Variants in DDX10 observed in about 807,000 individuals in gnomAD.
The protein encoded by DDX10 is probable ATP-dependent RNA helicase DDX10.
A neutral mutation model predicts 104.3 loss-of-function variants in DDX10; 74 were observed. The ratio of observed to expected loss-of-function variants is 0.71; its 90% CI spans 0.59 to 0.86. DDX10 has a LOEUF of 0.86. DDX10 is among the 40% of genes least tolerant of loss of function. The pLI is 0.00. For missense variants in DDX10, 952 were observed against 1,040.0 expected, an observed-to-expected ratio of 0.92 and a Z score of 1.16; for synonymous variants, 351 against 353.4, an observed-to-expected ratio of 0.99 and a Z score of 0.08.
chr11:108,858,797 A>C (rs749714839), intron 16 of DDX10, among the ~76,000 whole-genome samples: 2 of 152,138 alleles, frequency 1.3e-5, no homozygotes, highest in Non-Finnish European at 2.9e-5. Flanking sequence ...CGAGCTCCTC[A>C]AGTTGCATAT....
At chr11:108,750,580 T>C (rs1227260312) in intron 13 of DDX10, among the ~76,000 whole-genome samples, 1 of 152,030 alleles carries the variant, frequency 6.6e-6, no homozygotes, top group African/African-American at 2.4e-5. Flanking sequence ...CTTAGAGTAA[T>C]GTTTCTAATG....
chr11:108,808,983 G>A (rs915550710), intron 13 of DDX10, among the ~76,000 whole-genome samples: 2 of 151,796 alleles, frequency 1.3e-5, no homozygotes, highest in Non-Finnish European at 2.9e-5. Context: ...GAATGCAAAG[G>A]TTTTGACTTC....
At chr11:108,801,687 G>A (rs770933818) in intron 13 of DDX10, among the ~76,000 whole-genome samples, 6 of 151,996 alleles carry the variant, frequency 3.9e-5, no homozygotes, top group Non-Finnish European at 8.8e-5. Context: ...GCTAGACACT[G>A]TGCTAAATAA....
intron 13 of DDX10, among the ~76,000 whole-genome samples, chr11:108,790,907 A>G (rs1423477395): frequency 6.6e-6 from 1 of 152,116 alleles, no homozygotes; most frequent in Non-Finnish European, 1.5e-5. Context: ...CATTGCCCTA[A>G]TGGTTCCCAT....
intron 15 of DDX10, among the ~76,000 whole-genome samples, chr11:108,850,938 A>G (rs1862783001): frequency 1.3e-5 from 2 of 152,202 alleles, no homozygotes; most frequent in South Asian, 4.1e-4. Context: ...GTTCTGTTAC[A>G]TAGATTTAAA....
intron 16 of DDX10, among the ~76,000 whole-genome samples, chr11:108,883,745 C>T (rs762171322): frequency 3.8e-4 from 58 of 152,210 alleles, no homozygotes; most frequent in Non-Finnish European, 7.1e-4. Flanking sequence ...TCAGCAGCAA[C>T]TTCTGTCTTA....
intron 16 of DDX10, among the ~76,000 whole-genome samples, chr11:108,890,990 C>T (rs1171761937): frequency 2.6e-5 from 4 of 152,108 alleles, no homozygotes; most frequent in African/African-American, 7.2e-5. Context: ...CCTCTGTGTT[C>T]GAGACCATTT....
At chr11:108,895,719 G>C (rs1290684473) in intron 16 of DDX10, among the ~76,000 whole-genome samples, 2 of 151,994 alleles carry the variant, frequency 1.3e-5, no homozygotes, top group East Asian at 1.9e-4. Context: ...GATTAATACA[G>C]AGCTAGTAGC....
At chr11:108,908,919 A>G (rs779636258) in intron 16 of DDX10, among the ~76,000 whole-genome samples, 8 of 152,236 alleles carry the variant, frequency 5.3e-5, no homozygotes, top group Non-Finnish European at 1.0e-4. Context: ...ATGCTTAGAA[A>G]TACTTGATGA....
Position 108,853,826 on chromosome 11 carries a change from T to C in DDX10, c.2304+1617T>C, listed in dbSNP as rs1862828304. The stretch of plus-strand genomic sequence containing the variant: ...CCTGACATCTAAAAAAGGAGGAAGA[T>C]TTTTCTTGTCAAGGGAAGGTCTCAT... On this transcript the variant is annotated intron_variant, in intron 16 of 17. Coordinates refer to ENST00000322536, the MANE Select transcript of DDX10 (RefSeq NM_004398.4). Among the ~76,000 whole-genome samples, 4 of 152,138 alleles carry C rather than the reference T, an allele frequency of 2.6e-5. No individual in the cohort carries two copies. In the South Asian group the frequency reaches 8.3e-4, roughly 32 times the overall value.
chr11:108,823,878 C>A (rs1041503789), intron 13 of DDX10, among the ~76,000 whole-genome samples: 1 of 152,164 alleles, frequency 6.6e-6, no homozygotes, highest in Non-Finnish European at 1.5e-5. Flanking sequence ...TGATGCTCTC[C>A]CATTTTGTTC....
intron 6 of DDX10, among the ~76,000 whole-genome samples, chr11:108,683,352 T>C (rs1428949810): frequency 2.6e-5 from 4 of 152,236 alleles, no homozygotes; most frequent in Admixed American, 6.5e-5. Context: ...TTTCCTTCTC[T>C]CTGGGACTTG....
At chr11:108,758,736 C>T (rs1300047555) in intron 13 of DDX10, among the ~76,000 whole-genome samples, 1 of 152,066 alleles carries the variant, frequency 6.6e-6, no homozygotes, top group Non-Finnish European at 1.5e-5. Context: ...CCTGTTTCCA[C>T]TTTTAAGGAT....
At chr11:108,692,182 G>C in intron 8 of DDX10, 144 bp downstream of exon 8, 2 of 684,760 alleles carry the variant, frequency 2.9e-6, no homozygotes, top group Non-Finnish European at 4.6e-6. Context: ...TAAATTGGTA[G>C]CAGTTGACTA....
intron 13 of DDX10, among the ~76,000 whole-genome samples, chr11:108,744,955 TG>T (rs1427465673): frequency 1.3e-5 from 2 of 152,112 alleles, no homozygotes; most frequent in East Asian, 3.9e-4. Flanking sequence ...GAGTGTGTTG[TG>T]GCCAATCAAT....
At chr11:108,841,725 TTTG>T (rs1862641355) in intron 15 of DDX10, among the ~76,000 whole-genome samples, 1 of 152,120 alleles carries the variant, frequency 6.6e-6, no homozygotes, top group Admixed American at 6.6e-5. Flanking sequence ...TATTAGTGGA[TTTG>T]TTGTTATTAT....
At chr11:108,896,412 G>A (rs924702407) in intron 16 of DDX10, among the ~76,000 whole-genome samples, 4 of 151,862 alleles carry the variant, frequency 2.6e-5, no homozygotes, top group African/African-American at 9.7e-5. Flanking sequence ...GCTTATTGTG[G>A]AAGGAATTGG....
intron 13 of DDX10, among the ~76,000 whole-genome samples, chr11:108,764,192 G>A (rs567503591): frequency 2.0e-5 from 3 of 152,162 alleles, no homozygotes; most frequent in East Asian, 3.9e-4. Context: ...GCATGTAATC[G>A]TTAAAACATT....
rs1591784735 is a variant in DDX10, at chr11:108,665,206, G to A, written c.53G>A (p.Arg18Gln). The change falls in exon 1 of 18, where the codon CGG becomes CAG. Residue 18 changes from arginine (R) to glutamine (Q), a missense_variant. Arg to Gln is a conservative substitution (Grantham distance 43). Around this residue, in one of 3 missense-constraint regions of DDX10, gnomAD observed 412 missense variants for 479.2 expected, o/e 0.86. Coordinates refer to ENST00000322536, the MANE Select transcript of DDX10 (RefSeq NM_004398.4). ...PGSGARPDPV[R>Q]SFNRWKKKHS... is the part of the protein sequence containing the mutation. ...TCGGGAGCCCGACCCGACCCGGTGCGGAGCTTCAATCGCTGGAAGAAAAAA... is the reference window on the plus strand; with the variant it reads ...TCGGGAGCCCGACCCGACCCGGTGCAGAGCTTCAATCGCTGGAAGAAAAAA... The A allele has an allele frequency of 1.9e-6, 3 of 1,613,364 alleles. No homozygotes were observed. Among genetic ancestry groups the A allele is most frequent in the Non-Finnish European group, 2.5e-6 (3 of 1,179,754 alleles).
Sources: allele counts gnomAD v4.1 joint callset (sites outside exome capture counted in the v4.1 genomes callset), GRCh38; gene constraint gnomAD v4.1.1; regional missense constraint gnomAD v4.1.1; transcripts MANE v1.5; gene names NCBI Gene and HGNC (gene_info 2026-07-23, HGNC 2026-07-21).